The following GCN1 variants were observed in gnomAD, a reference collection of about 807,000 sequenced individuals.
GCN1 encodes GCN1 activator of EIF2AK4, also known as stalled ribosome sensor GCN1.
Under a neutral mutation model 288.4 loss-of-function variants are expected in GCN1, and 90 were observed. The observed-to-expected ratio is 0.31, with a 90% CI of 0.26 to 0.37. GCN1 has a LOEUF of 0.37. GCN1 is among the 10% of genes least tolerant of loss of function. GCN1 has a pLI of 1.00. For missense variants in GCN1, 2,586 were observed against 3,419.9 expected, an observed-to-expected ratio of 0.76 and a Z score of 6.08; for synonymous variants, 1,386 against 1,420.2, an observed-to-expected ratio of 0.98 and a Z score of 0.54.
rs974266876 is a variant in GCN1, at chr12:120,129,263, C to T, written c.7890+13G>A. 2 of 1,594,470 alleles carry T rather than the reference C, an allele frequency of 1.3e-6. No individual in the cohort carries two copies. Among genetic ancestry groups the T allele is most frequent in the Non-Finnish European group, 1.7e-6 (2 of 1,162,942 alleles). On this transcript the variant is annotated intron_variant, in intron 57 of 57. Coordinates refer to ENST00000300648, the MANE Select transcript of GCN1 (RefSeq NM_006836.2). ...CTCACAGCACATCCTGGTGAGGCCC[C>T]CCAGGCTCCCACCTGAAACACCTCT...
rs760391233 is a variant in GCN1 at position 120,131,266 on chromosome 12, A to G, written c.7482T>C (p.Asn2494=). Residue 2494 remains asparagine (N), a synonymous_variant, in exon 55 of 58, where the codon AAT becomes AAC. Coordinates refer to ENST00000300648, the MANE Select transcript of GCN1 (RefSeq NM_006836.2). ...CGGCACAAAGTCTGCCAGGAGCCAC[A>G]TTCACAGCCACGGAAAGTGCCAGGC... ...GRSLALSVAV[N]VAPGRLCAGR... 6.2e-7 allele frequency: 1 copy of G among 1,614,074 alleles called. No individual in the cohort carries two copies.
intron 20 of GCN1, among the ~76,000 whole-genome samples, chr12:120,162,613 A>G (rs1337647979): frequency 6.6e-6 from 1 of 152,248 alleles, no homozygotes; most frequent in Non-Finnish European, 1.5e-5. Flanking sequence ...ACAATGTTCC[A>G]AGGGCAACAT....
intron 20 of GCN1, among the ~76,000 whole-genome samples, 175 bp downstream of exon 20, chr12:120,162,672 G>A (rs917118064): frequency 6.6e-6 from 1 of 152,246 alleles, no homozygotes; most frequent in Non-Finnish European, 1.5e-5. Context: ...GGTAAATGAG[G>A]CAGTAAGTTC....
chr12:120,185,999 C>G (rs929443589), intron 2 of GCN1, among the ~76,000 whole-genome samples: 5 of 152,194 alleles, frequency 3.3e-5, no homozygotes, highest in African/African-American at 4.8e-5. Flanking sequence ...CAGATACACT[C>G]TAACTCTGGG....
chr12:120,157,619 A>C (rs1286668948), intron 26 of GCN1, among the ~76,000 whole-genome samples: 2 of 152,272 alleles, frequency 1.3e-5, no homozygotes, highest in Admixed American at 6.5e-5. Context: ...AATCAGGTGA[A>C]CTGACATGTA....
chr12:120,163,056 C>A lies in GCN1; in HGVS notation c.2038+14G>T, dbSNP rs1263946345. 2 of 1,613,700 alleles carry A rather than the reference C, an allele frequency of 1.2e-6. No individual in the cohort carries two copies. Among genetic ancestry groups the A allele is most frequent in the East Asian group, 4.5e-5 (2 of 44,886 alleles). Reference sequence around the variant, plus strand: ...AAAGCTCTGGGCTCTCCCACACCCACCGCAGCCACGGACCTAAGGATGGGT... The same window carrying A: ...AAAGCTCTGGGCTCTCCCACACCCAACGCAGCCACGGACCTAAGGATGGGT... On this transcript the variant is annotated intron_variant, in intron 19 of 57. Coordinates refer to ENST00000300648, the MANE Select transcript of GCN1 (RefSeq NM_006836.2).
At chr12:120,157,765 C>G (rs1373462923) in intron 26 of GCN1, 84 bp downstream of exon 26, 2 of 1,074,436 alleles carry the variant, frequency 1.9e-6, no homozygotes, top group African/African-American at 3.1e-5. Context: ...CCACCAGGAA[C>G]TGTTCATGAG....
rs563249791 is a variant in GCN1 at position 120,152,633 on chromosome 12, A to ACG, written c.4062+578_4062+579dup. Among the ~76,000 whole-genome samples, 391 of 129,802 alleles carry ACG rather than the reference A, an allele frequency of 3.0e-3. 5 individuals carry two copies. Among genetic ancestry groups the ACG allele is most frequent in the African/African-American group, 0.011 (361 of 33,244 alleles). The allele number at this position is 129,802 out of a possible 152,430, so 85.2% of individuals were successfully genotyped here. ...GGTCCAAAATGCAAACCACACACAC[A>ACG]CGCGCACACACACACACACACACAC... On this transcript the variant is annotated intron_variant, in intron 33 of 57. Coordinates refer to ENST00000300648, the MANE Select transcript of GCN1 (RefSeq NM_006836.2).
Position 120,145,341 on chromosome 12 carries a change from A to G in GCN1, c.4948-11T>C. 1 of 1,561,608 alleles carries G rather than the reference A, an allele frequency of 6.4e-7. No homozygotes were observed. The highest frequency in any genetic ancestry group is 8.7e-7 in the Non-Finnish European group (1 of 1,154,622). On this transcript the variant is annotated splice_polypyrimidine_tract_variant and intron_variant, in intron 38 of 57. Transcript: ENST00000300648. ...GTACGGAGCCAAGTCCTGCAACAAC[A>G]CAGGAGGCGGCTCAGGTGAGGCCCG...
chr12:120,168,401 C>T (rs1878202628), intron 15 of GCN1, 101 bp from the exon 16 acceptor site: 1 of 763,942 alleles, frequency 1.3e-6, no homozygotes, highest in Admixed American at 1.9e-5. Context: ...GCTGACAAAC[C>T]CTCCTCTGCA....
In GCN1 at chr12:120,184,825, T is replaced by C; in HGVS notation, c.184A>G (p.Arg62Gly). ...ATGGGGCCTTTGGCTGGGACTCACCTATATCGATGCAGAGTCAAGCAGAAC... is the reference window on the plus strand; with the variant it reads ...ATGGGGCCTTTGGCTGGGACTCACCCATATCGATGCAGAGTCAAGCAGAAC... Reference protein sequence around the residue: ...KLFCLTLHRYRDAASRRALQA... With the variant: ...KLFCLTLHRYGDAASRRALQA... The change falls in exon 3 of 58, where the codon AGA becomes GGA. Residue 62 changes from arginine (R) to glycine (G), a missense_variant and splice_region_variant. Coordinates refer to ENST00000300648, the MANE Select transcript of GCN1 (RefSeq NM_006836.2). The C allele has an allele frequency of 6.2e-7, 1 of 1,606,110 alleles. No homozygotes were observed. Among genetic ancestry groups the C allele is most frequent in the African/African-American group, 1.3e-5 (1 of 74,914 alleles).
intron 54 of GCN1, 42 bp from the exon 55 acceptor site, chr12:120,131,375 G>A (rs1348557305): frequency 6.2e-6 from 10 of 1,604,078 alleles, no homozygotes; most frequent in Non-Finnish European, 8.5e-6. Flanking sequence ...GTATTTTACA[G>A]CATGTCCCCA....
At position 120,156,772 on chromosome 12, in the gene GCN1, G is replaced by A; in HGVS notation, c.3168+140C>T. 5.6e-6 allele frequency: 5 copies of A among 892,116 alleles called. No individual in the cohort carries two copies. The highest frequency in any genetic ancestry group is 1.6e-5 in the African/African-American group (1 of 60,970). 55.3% of individuals were successfully genotyped at this position (892,116 alleles called of 1,614,324 possible). A position where few individuals can be genotyped will look rare whatever the true frequency, so the allele number is the denominator to read the frequency against. On this transcript the variant is annotated intron_variant, in intron 27 of 57. Transcript: ENST00000300648. This position sits in a 1 kb window ranked among gnomAD's most constrained non-coding sequence, Gnocchi z 5.8. ...CCCCTCACTAGCTAACAACAGTCAG[G>A]CTGGCTCTCTAAAGCAGTCTTTCTA...
chr12:120,131,648 C>T (rs1876828229), intron 54 of GCN1, among the ~76,000 whole-genome samples: 2 of 152,228 alleles, frequency 1.3e-5, no homozygotes, highest in African/African-American at 4.8e-5. Context: ...GGGCCTCGCT[C>T]TGTCGCCCAG....
intron 4 of GCN1, 77 bp downstream of exon 4, chr12:120,184,035 G>A: frequency 1.5e-6 from 2 of 1,307,608 alleles, no homozygotes; most frequent in Non-Finnish European, 2.1e-6. Flanking sequence ...CCTCCCTCTG[G>A]TGCACAGTCA....
intron 9 of GCN1, 62 bp downstream of exon 9, chr12:120,177,385 A>G: frequency 1.2e-6 from 1 of 803,754 alleles, no homozygotes; most frequent in South Asian, 1.5e-5. Flanking sequence ...GTTGCCAAAT[A>G]TCGAGAATAG....
At chr12:120,167,528 A>C (rs1878172969) in intron 16 of GCN1, among the ~76,000 whole-genome samples, 2 of 152,212 alleles carry the variant, frequency 1.3e-5, no homozygotes, top group Admixed American at 6.5e-5. Context: ...AGGCTACAGA[A>C]GAAGCTAATA....
rs1877300274 is a variant in GCN1, at chr12:120,144,521, T to C, written c.5353-73A>G. ...CCAGCCCAAAAAACATGGGGCTCAC[T>C]GAAGGCTGAGGGCTCTGCCAACCAA... On this transcript the variant is annotated intron_variant, in intron 41 of 57. Transcript: ENST00000300648. This position sits in a 1 kb window ranked among gnomAD's most constrained non-coding sequence, Gnocchi z 4.7. The C allele has an allele frequency of 1.6e-5, 25 of 1,575,190 alleles. No individual in the cohort carries two copies. Among genetic ancestry groups the C allele is most frequent in the Non-Finnish European group, 2.2e-5 (25 of 1,156,966 alleles).
chr12:120,164,968 CACATATATAT>C (rs1421140338), intron 16 of GCN1, among the ~76,000 whole-genome samples: 1 of 144,630 alleles, frequency 6.9e-6, no homozygotes, highest in Non-Finnish European at 1.5e-5. Flanking sequence ...CACATATATA[CACATATATAT>C]ACATATACAT....
Sources: allele counts gnomAD v4.1 joint callset (sites outside exome capture counted in the v4.1 genomes callset), GRCh38; gene constraint gnomAD v4.1.1; non-coding constraint Gnocchi (gnomAD v3.1); transcripts MANE v1.5; gene names NCBI Gene and HGNC (gene_info 2026-07-23, HGNC 2026-07-21).